SNTG2: variants seen among roughly 807,000 people sequenced by gnomAD.
SNTG2 encodes gamma-2-syntrophin.
SNTG2 carries 74 observed loss-of-function variants against 70.9 expected under a neutral mutation model. The observed-to-expected ratio is 1.04, with a 90% CI of 0.86 to 1.27. The LOEUF (loss-of-function observed/expected upper bound fraction) is 1.27. SNTG2 is among the 50% of genes most tolerant of loss of function. The probability of loss-of-function intolerance (pLI) is 0.00; values close to 1 mark genes in which losing one functional copy is unlikely to be tolerated. For synonymous variants in SNTG2, 278 were observed against 273.8 expected, an observed-to-expected ratio of 1.02 and a Z score of -0.15; for missense variants, 717 against 690.7, an observed-to-expected ratio of 1.04 and a Z score of -0.43.
chr2:1,189,935 C>T (rs1672477407), intron 8 of SNTG2, among the ~76,000 whole-genome samples: 1 of 152,074 alleles, frequency 6.6e-6, no homozygotes, highest in South Asian at 2.1e-4. Flanking sequence ...ATAAAAAATA[C>T]ATTTCACATG....
chr2:956,556 C>T (rs1221059285), intron 1 of SNTG2, among the ~76,000 whole-genome samples: 1 of 152,240 alleles, frequency 6.6e-6, no homozygotes, highest in African/African-American at 2.4e-5. Context: ...CATGCCCCTT[C>T]CTGCGGAGGA....
intron 8 of SNTG2, among the ~76,000 whole-genome samples, chr2:1,208,690 C>T (rs1284249682): frequency 1.3e-5 from 2 of 152,132 alleles, no homozygotes; most frequent in African/African-American, 4.8e-5. Flanking sequence ...ATGACCTGGA[C>T]GCCCGTTGGA....
rs538864129 is a variant in SNTG2 at position 1,045,055 on chromosome 2, G to T, written c.73-38463G>T. On this transcript the variant is annotated intron_variant, in intron 1 of 16. Coordinates refer to ENST00000308624, the MANE Select transcript of SNTG2 (RefSeq NM_018968.4). Reference sequence around the variant, plus strand: ...TTTTTTTTTTGTTAATTATTAATAAGAATTCAATTTTGGAAACTAACATTG... The same window carrying T: ...TTTTTTTTTTGTTAATTATTAATAATAATTCAATTTTGGAAACTAACATTG... Among the ~76,000 whole-genome samples, 5 of 151,644 alleles carry T rather than the reference G, an allele frequency of 3.3e-5. No homozygotes were observed. In the South Asian group the frequency reaches 1.0e-3, roughly 32 times the overall value.
chr2:1,246,073 G>A (rs561987122), intron 11 of SNTG2, among the ~76,000 whole-genome samples: 61 of 152,252 alleles, frequency 4.0e-4, no homozygotes, highest in African/African-American at 1.4e-3. Context: ...CTAGGAACTT[G>A]GAAGTTCATG....
At chr2:1,259,265 T>G in intron 12 of SNTG2, 105 bp from the exon 13 acceptor site, 1 of 937,914 alleles carries the variant, frequency 1.1e-6, no homozygotes, top group Non-Finnish European at 1.7e-6. Flanking sequence ...GGGCTTAGGA[T>G]TTAATTGAGG....
chr2:983,696 C>A (rs566141516), intron 1 of SNTG2, among the ~76,000 whole-genome samples: 1 of 152,310 alleles, frequency 6.6e-6, no homozygotes, highest in Admixed American at 6.5e-5. Context: ...TGATTCATGT[C>A]CCTGGTTGGA....
At chr2:1,258,863 T>G (rs1678262666) in intron 12 of SNTG2, among the ~76,000 whole-genome samples, 3 of 152,188 alleles carry the variant, frequency 2.0e-5, no homozygotes, top group Non-Finnish European at 4.4e-5. Context: ...TTAAATTGGT[T>G]AGTAGATTTT....
At chr2:1,181,878 C>G (rs1173895758) in intron 8 of SNTG2, among the ~76,000 whole-genome samples, 2 of 152,094 alleles carry the variant, frequency 1.3e-5, no homozygotes, top group Non-Finnish European at 2.9e-5. Context: ...CCATTTTTGT[C>G]TCAAGAATCC....
intron 14 of SNTG2, among the ~76,000 whole-genome samples, chr2:1,304,674 C>T (rs1465173441): frequency 2.0e-5 from 3 of 151,074 alleles, no homozygotes; most frequent in East Asian, 2.0e-4. Context: ...TGCAGTGAGC[C>T]GAGATCACCC....
At chr2:1,361,128 A>C (rs1008804470) in intron 16 of SNTG2, among the ~76,000 whole-genome samples, 3 of 152,238 alleles carry the variant, frequency 2.0e-5, no homozygotes, top group Non-Finnish European at 2.9e-5. Context: ...TCTGTGCTTC[A>C]GCCACTGGAT....
At chr2:980,090 G>A (rs1661050361) in intron 1 of SNTG2, among the ~76,000 whole-genome samples, 1 of 152,240 alleles carries the variant, frequency 6.6e-6, no homozygotes, top group African/African-American at 2.4e-5. Flanking sequence ...CATGTGACTT[G>A]TTTGAATTCA....
At position 1,154,908 on chromosome 2, in the gene SNTG2, TACAC is replaced by T. The variant is rs374095729; in HGVS notation, c.412-10632_412-10629del. Among the ~76,000 whole-genome samples the T allele has an allele frequency of 2.7e-3, 378 of 140,988 alleles. 1 individual carries two copies. The highest frequency in any genetic ancestry group is 0.02 in the Middle Eastern group (5 of 256). The allele number at this position is 140,988 out of a possible 152,430, so 92.5% of individuals were successfully genotyped here. ...CACACACACAAAGACACATACCACA[TACAC>T]ACACACAACACAAAAACATACACAC... On this transcript the variant is annotated intron_variant, in intron 6 of 16. Coordinates refer to ENST00000308624, the MANE Select transcript of SNTG2 (RefSeq NM_018968.4).
intron 16 of SNTG2, among the ~76,000 whole-genome samples, chr2:1,331,782 A>C (rs115911981): frequency 1.3e-5 from 2 of 152,336 alleles, no homozygotes; most frequent in African/African-American, 4.8e-5. Flanking sequence ...AAGGTATGAT[A>C]AGCCTGCCAG....
chr2:1,090,806 C>T (rs1664971239), intron 2 of SNTG2, among the ~76,000 whole-genome samples: 1 of 152,172 alleles, frequency 6.6e-6, no homozygotes, highest in Admixed American at 6.5e-5. Flanking sequence ...CAGTTGAGTC[C>T]ACCCAGAGGA....
chr2:1,089,850 C>T lies in SNTG2; in HGVS notation c.210+6195C>T, dbSNP rs559197042. Among the ~76,000 whole-genome samples, 12 of 152,190 alleles carry T rather than the reference C, an allele frequency of 7.9e-5. No homozygotes were observed. The South Asian group carries it at 2.1e-3, about 26-fold the overall frequency. On this transcript the variant is annotated intron_variant, in intron 2 of 16. Coordinates refer to ENST00000308624, the MANE Select transcript of SNTG2 (RefSeq NM_018968.4). ...AAAAAATTGAAGTGAGCAAACAGAA[C>T]CCTGTGCAATTATTATTAATATTTA...
At chr2:1,062,852 ATATG>A (rs767166056) in intron 1 of SNTG2, among the ~76,000 whole-genome samples, 2 of 152,188 alleles carry the variant, frequency 1.3e-5, no homozygotes, top group African/African-American at 2.4e-5. Context: ...AATGGAAAAA[ATATG>A]TGTGTGTGCA....
intron 4 of SNTG2, among the ~76,000 whole-genome samples, chr2:1,105,689 C>A (rs1016815626): frequency 3.2e-4 from 49 of 152,316 alleles, no homozygotes; most frequent in African/African-American, 1.2e-3. Context: ...CTATGAGATT[C>A]TTCCTCAGGA....
At chr2:1,252,327 A>T (rs1677817981) in intron 12 of SNTG2, among the ~76,000 whole-genome samples, 1 of 152,218 alleles carries the variant, frequency 6.6e-6, no homozygotes, top group Admixed American at 6.5e-5. Flanking sequence ...CGATGACTTC[A>T]TATAGTTTAT....
chr2:1,151,431 C>A (rs138524782), intron 6 of SNTG2, among the ~76,000 whole-genome samples: 1 of 151,138 alleles, frequency 6.6e-6, no homozygotes, highest in Non-Finnish European at 1.5e-5. Context: ...TTTTGTTTTC[C>A]CGGTGCTACC....
Sources: gnomAD v4.1 joint callset for allele counts (sites outside exome capture counted in the v4.1 genomes callset) on GRCh38, gnomAD v4.1.1 for gene constraint, MANE v1.5 for transcripts, NCBI Gene and HGNC (gene_info 2026-07-23, HGNC 2026-07-21) for gene names.